The following BTBD9 variants were observed in gnomAD, a reference collection of about 807,000 sequenced individuals.
BTBD9 encodes BTB/POZ domain-containing protein 9.
BTBD9 carries 49 observed loss-of-function variants against 64.3 expected under a neutral mutation model. The observed-to-expected ratio is 0.76, with a 90% CI of 0.61 to 0.97. The LOEUF (loss-of-function observed/expected upper bound fraction) is 0.97, where lower values mean the gene tolerates loss of function less well. BTBD9 is among the 50% of genes least tolerant of loss of function. The probability of loss-of-function intolerance (pLI) is 0.00; values close to 1 mark genes in which losing one functional copy is unlikely to be tolerated. For missense variants in BTBD9, 598 were observed against 762.1 expected (o/e 0.78, Z 2.53); for synonymous variants, 260 against 274.7 (o/e 0.95, Z 0.53).
chr6:38,275,427 C>CA (rs1216710460), intron 8 of BTBD9, among the ~76,000 whole-genome samples: 22 of 152,146 alleles, frequency 1.4e-4, no homozygotes, highest in Non-Finnish European at 7.3e-5. Flanking sequence ...CCATTCAGGA[C>CA]ATAGGCATGG....
chr6:38,283,402 C>G (rs1761595786), intron 8 of BTBD9, among the ~76,000 whole-genome samples: 1 of 152,192 alleles, frequency 6.6e-6, no homozygotes, highest in Non-Finnish European at 1.5e-5. Flanking sequence ...AATCCCAGCA[C>G]TTTGGGAGGC....
intron 6 of BTBD9, among the ~76,000 whole-genome samples, chr6:38,489,950 T>C (rs540327100): frequency 3.9e-5 from 6 of 152,224 alleles, no homozygotes; most frequent in Non-Finnish European, 7.3e-5. Flanking sequence ...TTTTAATTTG[T>C]TGTTGTTTTA....
intron 10 of BTBD9, among the ~76,000 whole-genome samples, chr6:38,185,050 C>T (rs1250281652): frequency 6.6e-6 from 1 of 152,130 alleles, no homozygotes; most frequent in East Asian, 1.9e-4. Context: ...AGCGGTGAGC[C>T]TGCAGAGTGC....
At chr6:38,370,653 T>A (rs1007054794) in intron 6 of BTBD9, among the ~76,000 whole-genome samples, 2 of 143,750 alleles carry the variant, frequency 1.4e-5, no homozygotes, top group Non-Finnish European at 3.1e-5. Context: ...AGATTCAACC[T>A]TGTAAGTGTC....
At chr6:38,204,388 T>C (rs559476892) in intron 9 of BTBD9, among the ~76,000 whole-genome samples, 63 of 152,296 alleles carry the variant, frequency 4.1e-4, no homozygotes, top group Admixed American at 1.6e-3. Context: ...TGTTCAGCAA[T>C]AATAAGATTT....
In BTBD9 at chr6:38,350,720, C is replaced by T. The variant is rs1046549574; in HGVS notation, c.1155-5627G>A. Among the ~76,000 whole-genome samples the T allele has an allele frequency of 1.6e-3, 246 of 152,318 alleles. 4 individuals are homozygous for T. Among genetic ancestry groups the T allele is most frequent in the African/African-American group, 5.7e-3 (239 of 41,576 alleles). ...AGAAGGGAACCTTAACATTTTGGCT[C>T]TTCCTTCAGTAACCATAGAGGACTC... is the stretch of plus-strand genomic sequence containing the variant. On this transcript the variant is annotated intron_variant, in intron 6 of 10. Coordinates refer to ENST00000481247, the MANE Select transcript of BTBD9 (RefSeq NM_001099272.2).
chr6:38,424,167 T>C (rs927962536), intron 6 of BTBD9, among the ~76,000 whole-genome samples: 3 of 152,054 alleles, frequency 2.0e-5, no homozygotes, highest in Admixed American at 1.3e-4. Context: ...AAGTGGATTA[T>C]ATTTCCAAGG....
chr6:38,242,003 A>G (rs1764007535), intron 9 of BTBD9, among the ~76,000 whole-genome samples: 1 of 152,238 alleles, frequency 6.6e-6, no homozygotes, highest in African/African-American at 2.4e-5. Context: ...CCAATTTTAA[A>G]GTATGAATTA....
intron 6 of BTBD9, among the ~76,000 whole-genome samples, chr6:38,556,542 TGTGTGTGTGAGAGA>T (rs762948004): frequency 0.058 from 3,600 of 62,230 alleles, 66 homozygotes; most frequent in African/African-American, 0.15. Flanking sequence ...TGTGTGTGTG[TGTGTGTGTGAGAGA>T]GAGAGAGAGA....
At chr6:38,177,155 G>T (rs1761304320) in intron 10 of BTBD9, among the ~76,000 whole-genome samples, 1 of 152,154 alleles carries the variant, frequency 6.6e-6, no homozygotes, top group East Asian at 1.9e-4. Context: ...TGCTCTCCCT[G>T]CTCGGTCAAT....
intron 1 of BTBD9, among the ~76,000 whole-genome samples, chr6:38,620,715 G>A (rs747313040): frequency 3.2e-4 from 48 of 152,150 alleles, no homozygotes; most frequent in Non-Finnish European, 5.9e-4. Flanking sequence ...AGCAAAGAAC[G>A]AATACAGCCT....
intron 6 of BTBD9, among the ~76,000 whole-genome samples, chr6:38,445,512 T>G (rs1414333511): frequency 6.6e-6 from 1 of 152,222 alleles, no homozygotes; most frequent in Non-Finnish European, 1.5e-5. Context: ...CAGTGAAGTC[T>G]CCTCCAAGTC....
chr6:38,577,867 G>A, intron 5 of BTBD9, 148 bp from the exon 6 acceptor site: 1 of 744,894 alleles, frequency 1.3e-6, no homozygotes, highest in Non-Finnish European at 2.2e-6. Context: ...ACAAAAGAAT[G>A]TTATGATAGC....
intron 8 of BTBD9, among the ~76,000 whole-genome samples, chr6:38,261,631 C>T (rs1269007159): frequency 6.6e-6 from 1 of 152,148 alleles, no homozygotes; most frequent in African/African-American, 2.4e-5. Context: ...TAATCCACTG[C>T]CTATCATAGT....
At chr6:38,560,284 A>G (rs1775209892) in intron 6 of BTBD9, among the ~76,000 whole-genome samples, 1 of 152,164 alleles carries the variant, frequency 6.6e-6, no homozygotes, top group Non-Finnish European at 1.5e-5. Context: ...CAAAAGACCT[A>G]CAAGTAGCCA....
intron 7 of BTBD9, among the ~76,000 whole-genome samples, chr6:38,332,961 C>T (rs561679602): frequency 2.0e-5 from 3 of 152,330 alleles, no homozygotes; most frequent in African/African-American, 7.2e-5. Flanking sequence ...GCTTACTTCA[C>T]AGCAACAGAA....
intron 9 of BTBD9, among the ~76,000 whole-genome samples, chr6:38,245,320 G>A (rs1358521864): frequency 6.6e-6 from 1 of 152,206 alleles, no homozygotes; most frequent in Non-Finnish European, 1.5e-5. Context: ...ATCAAGATGG[G>A]TGGTCAGGGC....
chr6:38,355,666 C>T (rs193144483), intron 6 of BTBD9, among the ~76,000 whole-genome samples: 1 of 152,314 alleles, frequency 6.6e-6, no homozygotes, highest in Admixed American at 6.5e-5. Context: ...GTTGCTACTG[C>T]TGTGCTGCTT....
At chr6:38,266,854 G>C (rs1272352948) in intron 8 of BTBD9, among the ~76,000 whole-genome samples, 3 of 152,130 alleles carry the variant, frequency 2.0e-5, no homozygotes, top group Non-Finnish European at 2.9e-5. Flanking sequence ...CCCTCAAATG[G>C]TCTTATGATA....
Sources: gnomAD v4.1 joint callset for allele counts (sites outside exome capture counted in the v4.1 genomes callset) on GRCh38, gnomAD v4.1.1 for gene constraint, MANE v1.5 for transcripts, NCBI Gene and HGNC (gene_info 2026-07-23, HGNC 2026-07-21) for gene names.